GDPD5: variants seen among roughly 807,000 people sequenced by gnomAD.
GDPD5 encodes the protein glycerophosphodiester phosphodiesterase domain containing 5, also known as glycerophosphodiester phosphodiesterase 2.
A neutral mutation model predicts 75.1 loss-of-function variants in GDPD5; 48 were observed. That is an observed-to-expected ratio of 0.64 (90% CI 0.51 to 0.81). The LOEUF (loss-of-function observed/expected upper bound fraction) is 0.81. Among genes scored for constraint, GDPD5 ranks in the 40% least tolerant of loss-of-function variants. GDPD5 has a pLI of 0.00. For synonymous variants in GDPD5, 336 were observed against 339.0 expected, an observed-to-expected ratio of 0.99 and a Z score of 0.10; for missense variants, 706 against 822.6, an observed-to-expected ratio of 0.86 and a Z score of 1.73.
At chr11:75,524,058 C>T (rs1941569274) in intron 1 of GDPD5, among the ~76,000 whole-genome samples, 2 of 152,220 alleles carry the variant, frequency 1.3e-5, no homozygotes, top group Admixed American at 6.5e-5. Flanking sequence ...ACCCCTCTCC[C>T]TACATGCCTT....
intron 9 of GDPD5, among the ~76,000 whole-genome samples, chr11:75,447,200 C>G (rs1306370924): frequency 6.6e-6 from 1 of 152,162 alleles, no homozygotes; most frequent in African/African-American, 2.4e-5. Context: ...TGTTACAAAT[C>G]AAAAGGCACT....
intron 1 of GDPD5, among the ~76,000 whole-genome samples, chr11:75,492,158 C>T (rs745419721): frequency 1.3e-5 from 2 of 152,182 alleles, no homozygotes; most frequent in African/African-American, 4.8e-5. Flanking sequence ...ACGCGGAGGC[C>T]GCCCCCATCC....
At chr11:75,481,940 G>T (rs1445468873) in intron 2 of GDPD5, among the ~76,000 whole-genome samples, 1 of 152,092 alleles carries the variant, frequency 6.6e-6, no homozygotes, top group Non-Finnish European at 1.5e-5. Flanking sequence ...ACTTCTATAG[G>T]ACACACAATT....
chr11:75,444,506 AG>A lies in GDPD5; in HGVS notation c.715-12del. ...GTGCTCTGGAGCCAGCTGGGGAAGAAGGGGTGGTGAAGGGAGAGCCAAGATT... is the reference window on the plus strand; with the variant it reads ...GTGCTCTGGAGCCAGCTGGGGAAGAAGGGTGGTGAAGGGAGAGCCAAGATT... On this transcript the variant is annotated splice_polypyrimidine_tract_variant and intron_variant, in intron 9 of 16. Coordinates refer to ENST00000336898, the MANE Select transcript of GDPD5 (RefSeq NM_030792.8). The A allele has an allele frequency of 6.2e-7, 1 of 1,609,208 alleles. No individual in the cohort carries two copies. The highest frequency in any genetic ancestry group is 8.5e-7 in the Non-Finnish European group (1 of 1,176,028).
chr11:75,444,536 C>A (rs372662391), intron 9 of GDPD5, 41 bp from the exon 10 acceptor site: 43 of 1,422,796 alleles, frequency 3.0e-5, no homozygotes, highest in Non-Finnish European at 4.1e-5. Flanking sequence ...CAAGATTCAG[C>A]TGATGTACCC....
In GDPD5 at chr11:75,449,036, T is replaced by C; in HGVS notation, c.655A>G (p.Met219Val). ...APLTISSPCI[M>V]EKKDLGPKPA... Reference sequence around the variant, plus strand: ...TTGGGGCCGAGGTCTTTCTTCTCCATGATGCAGGGAGAGGAGATGGTGAGA... The same window carrying C: ...TTGGGGCCGAGGTCTTTCTTCTCCACGATGCAGGGAGAGGAGATGGTGAGA... The change falls in exon 9 of 17, where the codon ATG becomes GTG. Residue 219 changes from methionine to valine, a missense_variant. Coordinates refer to ENST00000336898, the MANE Select transcript of GDPD5 (RefSeq NM_030792.8). 1 of 1,606,384 alleles carries C rather than the reference T, an allele frequency of 6.2e-7. No homozygotes were observed. Among genetic ancestry groups the C allele is most frequent in the African/African-American group, 1.3e-5 (1 of 74,390 alleles).
At chr11:75,475,243 G>A (rs1949753607) in intron 3 of GDPD5, among the ~76,000 whole-genome samples, 1 of 152,220 alleles carries the variant, frequency 6.6e-6, no homozygotes. Context: ...TTTCACAGGA[G>A]TTGAACCCAG....
At chr11:75,444,292 C>A in intron 10 of GDPD5, 121 bp downstream of exon 10, 2 of 734,268 alleles carry the variant, frequency 2.7e-6, no homozygotes, top group East Asian at 2.5e-5. Flanking sequence ...TGTGGATAAT[C>A]TAAGTCTTCC....
intron 6 of GDPD5, chr11:75,451,822 T>TGCTA (rs1255570888): frequency 6.6e-6 from 1 of 152,242 alleles, no homozygotes; most frequent in Non-Finnish European, 1.5e-5. Context: ...GTTGCTTTGG[T>TGCTA]GCTAATCAAC....
At chr11:75,451,030 T>A (rs1949134356) in intron 6 of GDPD5, 1 of 152,396 alleles carries the variant, frequency 6.6e-6, no homozygotes, top group Non-Finnish European at 1.5e-5. Flanking sequence ...ACCCCCTTTC[T>A]CCCGAGGCAA....
At chr11:75,513,447 C>T (rs1451427212) in intron 1 of GDPD5, among the ~76,000 whole-genome samples, 3 of 152,072 alleles carry the variant, frequency 2.0e-5, no homozygotes, top group South Asian at 2.1e-4. Context: ...GTGTAAGCTC[C>T]GGTGTGTCTG....
intron 1 of GDPD5, among the ~76,000 whole-genome samples, chr11:75,523,496 G>A (rs954538932): frequency 6.6e-6 from 1 of 152,120 alleles, no homozygotes; most frequent in Non-Finnish European, 1.5e-5. Context: ...AGTACAACAT[G>A]CCCCTTAGCA....
At chr11:75,493,688 G>A (rs779976810) in intron 1 of GDPD5, among the ~76,000 whole-genome samples, 9 of 152,048 alleles carry the variant, frequency 5.9e-5, no homozygotes, top group Admixed American at 1.3e-4. Context: ...AGCAGGGGGG[G>A]GCCTAAGTGG....
At position 75,442,495 on chromosome 11, in the gene GDPD5, G is replaced by A; in HGVS notation, c.1035C>T (p.Leu345=). 6.2e-7 allele frequency: 1 copy of A among 1,614,104 alleles called. No individual in the cohort carries two copies. Among genetic ancestry groups the A allele is most frequent in the Non-Finnish European group, 8.5e-7 (1 of 1,180,006 alleles). ...TGGCATTGCCCTTGGCCAGCTCCAGGAGCTCTGCCAGGCTGCAGATGGACT... is the reference window on the plus strand; with the variant it reads ...TGGCATTGCCCTTGGCCAGCTCCAGAAGCTCTGCCAGGCTGCAGATGGACT... ...QNQSICSLAE[L]LELAKGNATL... is the part of the protein sequence containing the mutation. The change falls in exon 12 of 17, where the codon CTC becomes CTT. Residue 345 remains leucine (L), a synonymous_variant. Coordinates refer to ENST00000336898, the MANE Select transcript of GDPD5 (RefSeq NM_030792.8).
chr11:75,449,912 C>T lies in GDPD5; in HGVS notation c.447G>A (p.Glu149=). 6.2e-7 allele frequency: 1 copy of T among 1,613,812 alleles called. No homozygotes were observed. Among genetic ancestry groups the T allele is most frequent in the Non-Finnish European group, 8.5e-7 (1 of 1,180,024 alleles). ...GCAGGGAGATCAGCAGCACCTCCCA[C>T]TCGTCCTCCCACAGCTGGGCCACGG... ...MSAVAQLWED[E]WEVLLISLQG... The change falls in exon 7 of 17, where the codon GAG becomes GAA. Residue 149 remains glutamate, a synonymous_variant. Coordinates refer to ENST00000336898, the MANE Select transcript of GDPD5 (RefSeq NM_030792.8).
chr11:75,501,043 G>C lies in GDPD5; in HGVS notation c.-144-10723C>G, dbSNP rs545110770. Among the ~76,000 whole-genome samples, 7 of 152,350 alleles carry C rather than the reference G, an allele frequency of 4.6e-5. No individual in the cohort carries two copies. The South Asian group carries it at 1.2e-3, about 27-fold the overall frequency. ...TAGCTGACTGCCTGGGCTGGCTCTG[G>C]AAGGTAGGGGCAGGGTCTGATCTGA... On this transcript the variant is annotated intron_variant, in intron 1 of 16. Coordinates refer to ENST00000336898, the MANE Select transcript of GDPD5 (RefSeq NM_030792.8).
Position 75,441,433 on chromosome 11 carries a change from C to T in GDPD5, c.1326-123G>A, listed in dbSNP as rs574141554. The T allele has an allele frequency of 4.0e-4, 522 of 1,315,432 alleles. 5 individuals carry two copies. In the South Asian group the frequency reaches 6.7e-3, roughly 17 times the overall value. The allele number at this position is 1,315,432 out of a possible 1,614,324, so 81.5% of individuals were successfully genotyped here. On this transcript the variant is annotated intron_variant, in intron 13 of 16. Transcript: ENST00000336898. ...CCATGCCCGGGGCAAGGAACATTGG[C>T]TCCAGAGGGCCAAGCTCCGGGACAA... is the stretch of plus-strand genomic sequence containing the variant.
At chr11:75,508,111 G>A (rs1950442287) in intron 1 of GDPD5, 1 of 152,214 alleles carries the variant, frequency 6.6e-6, no homozygotes, top group Non-Finnish European at 1.5e-5. Context: ...ATATGACAGA[G>A]TCAGGACTCA....
chr11:75,471,657 A>C (rs965390288), intron 3 of GDPD5, among the ~76,000 whole-genome samples: 4 of 152,084 alleles, frequency 2.6e-5, no homozygotes, highest in Non-Finnish European at 5.9e-5. Flanking sequence ...GTCCCCTGGT[A>C]ATGCCCCATC....
Sources: allele counts gnomAD v4.1 joint callset (sites outside exome capture counted in the v4.1 genomes callset), GRCh38; gene constraint gnomAD v4.1.1; transcripts MANE v1.5; gene names NCBI Gene and HGNC (gene_info 2026-07-23, HGNC 2026-07-21).